The following NFIB variants were observed in gnomAD, a reference collection of about 807,000 sequenced individuals.
NFIB encodes nuclear factor I B, also known as nuclear factor 1 B-type.
A neutral mutation model predicts 61.5 loss-of-function variants in NFIB; 11 were observed. The observed-to-expected ratio is 0.18, with a 90% confidence interval of 0.11 to 0.30. NFIB has a LOEUF of 0.30. NFIB is among the 10% of genes least tolerant of loss of function. The probability of loss-of-function intolerance (pLI) is 1.00; values close to 1 mark genes in which losing one functional copy is unlikely to be tolerated. For synonymous variants in NFIB, 260 were observed against 216.5 expected, an observed-to-expected ratio of 1.20 and a Z score of -1.76; for missense variants, 471 against 608.9, an observed-to-expected ratio of 0.77 and a Z score of 2.38.
At chr9:14,174,680 T>C (rs2045947861) in intron 3 of NFIB, among the ~76,000 whole-genome samples, 4 of 151,214 alleles carry the variant, frequency 2.6e-5, no homozygotes, top group South Asian at 2.1e-4. Flanking sequence ...GGCAGGAGAA[T>C]TGCTTGAACC....
intron 2 of NFIB, among the ~76,000 whole-genome samples, chr9:14,206,054 G>C (rs1166295045): frequency 1.3e-5 from 2 of 151,914 alleles, no homozygotes; most frequent in South Asian, 2.1e-4. Flanking sequence ...TGTTTAATTA[G>C]TTATCAAAAT....
At chr9:14,401,977 T>C (rs1245650570), upstream of NFIB, among the ~76,000 whole-genome samples, 5 of 152,198 alleles carry the variant, frequency 3.3e-5, no homozygotes, top group African/African-American at 1.2e-4. Flanking sequence ...TACATATGTA[T>C]GCCTCTTAGT....
intron 3 of NFIB, among the ~76,000 whole-genome samples, chr9:14,165,158 G>A (rs984081890): frequency 4.6e-5 from 7 of 152,132 alleles, no homozygotes; most frequent in African/African-American, 9.7e-5. Context: ...AGGTCCAGGC[G>A]AGTGCACAGC....
the NFIB span, among the ~76,000 whole-genome samples, chr9:14,440,807 G>C: frequency 6.6e-6 from 1 of 152,044 alleles, no homozygotes; most frequent in Non-Finnish European, 1.5e-5. Context: ...TTTATAATCT[G>C]GGAACATTCA....
chr9:14,431,968 A>G, the NFIB span, among the ~76,000 whole-genome samples: 3 of 152,152 alleles, frequency 2.0e-5, no homozygotes, highest in South Asian at 6.2e-4. Context: ...TAGCCACCAA[A>G]TGGTGTGCCT....
the NFIB span, among the ~76,000 whole-genome samples, chr9:14,509,408 T>G: frequency 1.3e-5 from 2 of 152,226 alleles, no homozygotes; most frequent in African/African-American, 4.8e-5. Flanking sequence ...TACCATTCCT[T>G]GCTACTGCTA....
intron 2 of NFIB, among the ~76,000 whole-genome samples, chr9:14,240,151 T>C (rs1158032313): frequency 6.6e-6 from 1 of 152,144 alleles, no homozygotes; most frequent in Non-Finnish European, 1.5e-5. Context: ...AGTTCCTGTG[T>C]AGCCTATGGA....
At chr9:14,214,930 C>T (rs909427524) in intron 2 of NFIB, among the ~76,000 whole-genome samples, 15 of 152,296 alleles carry the variant, frequency 9.8e-5, no homozygotes, top group Non-Finnish European at 1.9e-4. Context: ...CACATGCATA[C>T]CTATGCTTCC....
the NFIB span, among the ~76,000 whole-genome samples, chr9:14,414,818 T>C: frequency 6.6e-6 from 1 of 152,214 alleles, no homozygotes; most frequent in Admixed American, 6.5e-5. Context: ...TGAGGTATTT[T>C]ATTGAGCCTG....
intron 10 of NFIB, among the ~76,000 whole-genome samples, chr9:14,103,692 C>G (rs1487029084): frequency 6.6e-6 from 1 of 152,050 alleles, no homozygotes; most frequent in African/African-American, 2.4e-5. Flanking sequence ...ATTTTTCTAT[C>G]GATCTATGAG....
At chr9:14,129,653 T>C (rs969769464) in intron 6 of NFIB, among the ~76,000 whole-genome samples, 4 of 152,114 alleles carry the variant, frequency 2.6e-5, no homozygotes, top group Admixed American at 6.6e-5. Flanking sequence ...AATGAATATA[T>C]AGAAAAGATA....
intron 1 of NFIB, among the ~76,000 whole-genome samples, chr9:14,343,463 C>T (rs1410514264): frequency 2.0e-5 from 3 of 152,012 alleles, no homozygotes; most frequent in Non-Finnish European, 2.9e-5. Flanking sequence ...ACAGATGCTT[C>T]AGAAGGAGTT....
chr9:14,167,083 C>CA (rs2044903583), intron 3 of NFIB, among the ~76,000 whole-genome samples: 1 of 104,552 alleles, frequency 9.6e-6, no homozygotes, highest in Non-Finnish European at 2.0e-5. Flanking sequence ...GTGTGTGTGT[C>CA]GGGGGGGGGG....
At chr9:14,182,708 C>CTCTCTGTGTGTGTGTG (rs778914837) in intron 2 of NFIB, among the ~76,000 whole-genome samples, 11 of 97,000 alleles carry the variant, frequency 1.1e-4, no homozygotes, top group African/African-American at 4.4e-4. Context: ...CTCTCTCTCT[C>CTCTCTGTGTGTGTGTG]TGTGTGTGTG....
intron 2 of NFIB, among the ~76,000 whole-genome samples, chr9:14,297,043 C>T (rs2059486929): frequency 6.6e-6 from 1 of 152,234 alleles, no homozygotes; most frequent in Non-Finnish European, 1.5e-5. Context: ...TCCCTGCCCA[C>T]ACACACACCC....
chr9:14,279,395 A>T (rs1052615375), intron 2 of NFIB, among the ~76,000 whole-genome samples: 6 of 152,158 alleles, frequency 3.9e-5, no homozygotes, highest in Non-Finnish European at 7.4e-5. Flanking sequence ...CTACTTTCAC[A>T]CAAACATTTT....
intron 2 of NFIB, 133 bp downstream of exon 2, chr9:14,306,856 A>T: frequency 9.5e-7 from 1 of 1,056,382 alleles, no homozygotes; most frequent in South Asian, 1.6e-5. Context: ...GAAAGCGGAC[A>T]CCCTACTATA....
At chr9:14,138,912 A>G (rs1351112819) in intron 6 of NFIB, among the ~76,000 whole-genome samples, 6 of 150,614 alleles carry the variant, frequency 4.0e-5, no homozygotes, top group Non-Finnish European at 8.9e-5. Flanking sequence ...GTGTGTGTGT[A>G]TGTATATGTA....
At chr9:14,176,996 T>C (rs1346587098) in intron 3 of NFIB, among the ~76,000 whole-genome samples, 2 of 152,204 alleles carry the variant, frequency 1.3e-5, no homozygotes, top group Non-Finnish European at 2.9e-5. Flanking sequence ...TTTCCATGGG[T>C]TGCACATCTC....
Sources: allele counts gnomAD v4.1 joint callset (sites outside exome capture counted in the v4.1 genomes callset), GRCh38; gene constraint gnomAD v4.1.1; transcripts MANE v1.5; gene names NCBI Gene and HGNC (gene_info 2026-07-23, HGNC 2026-07-21).